The following OSBPL10 variants were observed in gnomAD, a reference collection of about 807,000 sequenced individuals.
OSBPL10 encodes the protein oxysterol binding protein like 10.
OSBPL10 carries 49 observed loss-of-function variants against 81.7 expected under a neutral mutation model. The ratio of observed to expected loss-of-function variants is 0.60; its 90% CI spans 0.48 to 0.76. The LOEUF is 0.76. Ranked by LOEUF, OSBPL10 falls within the 30% of genes least tolerant of loss-of-function variation. The pLI, the probability that OSBPL10 is intolerant of heterozygous loss-of-function variation, is 0.00. For missense variants in OSBPL10, 923 were observed against 987.8 expected (o/e 0.93, Z 0.88); for synonymous variants, 419 against 383.6 (o/e 1.09, Z -1.08).
chr3:31,723,739 A>G (rs1422629520), intron 6 of OSBPL10, among the ~76,000 whole-genome samples: 3 of 152,230 alleles, frequency 2.0e-5, no homozygotes, highest in African/African-American at 7.2e-5. Context: ...AACTCAGGCA[A>G]AGCCCAAAGT....
intron 1 of OSBPL10, chr3:31,919,321 A>G (rs1696846836): frequency 6.6e-6 from 1 of 152,212 alleles, no homozygotes; most frequent in Non-Finnish European, 1.5e-5. Context: ...TAAATTCCCT[A>G]TGACTTATTT....
chr3:31,802,542 TGGGTATCAAAAAAA>T (rs1252866470), intron 4 of OSBPL10, among the ~76,000 whole-genome samples: 3 of 93,838 alleles, frequency 3.2e-5, no homozygotes, highest in African/African-American at 4.5e-5. Context: ...CACTCTAGCC[TGGGTATCAAAAAAA>T]AAAAAAAAAA....
intron 4 of OSBPL10, among the ~76,000 whole-genome samples, chr3:31,770,402 C>A (rs1015452265): frequency 2.0e-5 from 3 of 151,624 alleles, no homozygotes; most frequent in African/African-American, 7.3e-5. Context: ...CCTTGATGAA[C>A]AGGTCATCTC....
intron 4 of OSBPL10, among the ~76,000 whole-genome samples, chr3:31,820,702 A>C (rs897797654): frequency 6.6e-6 from 1 of 152,192 alleles, no homozygotes; most frequent in Non-Finnish European, 1.5e-5. Context: ...TGCCCAGGAC[A>C]CAGTGAGAAG....
chr3:31,706,514 C>T (rs564662877), intron 6 of OSBPL10, among the ~76,000 whole-genome samples: 4 of 151,328 alleles, frequency 2.6e-5, no homozygotes, highest in African/African-American at 9.7e-5. Flanking sequence ...TGTGACTCTG[C>T]CCTTAACCAT....
At chr3:31,770,219 A>T (rs1698338034) in intron 4 of OSBPL10, among the ~76,000 whole-genome samples, 2 of 152,282 alleles carry the variant, frequency 1.3e-5, no homozygotes, top group South Asian at 2.1e-4. Context: ...TTTAAACTGA[A>T]TTTTAAAATG....
intron 8 of OSBPL10, among the ~76,000 whole-genome samples, chr3:31,678,525 C>T (rs1409673490): frequency 6.6e-6 from 1 of 152,158 alleles, no homozygotes; most frequent in Non-Finnish European, 1.5e-5. Context: ...GGAGAGATTG[C>T]GTTTCTGTGA....
intron 7 of OSBPL10, among the ~76,000 whole-genome samples, chr3:31,690,075 A>C (rs1695482562): frequency 6.6e-6 from 1 of 151,934 alleles, no homozygotes; most frequent in African/African-American, 2.4e-5. Flanking sequence ...AAGGTGAAGA[A>C]TATATGGGAG....
intron 4 of OSBPL10, among the ~76,000 whole-genome samples, chr3:31,753,094 C>T (rs963630484): frequency 9.2e-5 from 14 of 152,246 alleles, no homozygotes; most frequent in African/African-American, 3.4e-4. Context: ...GCTAAGTTCC[C>T]CTCTGAGTCA....
intron 2 of OSBPL10, among the ~76,000 whole-genome samples, chr3:32,002,322 A>G (rs1339529821): frequency 1.3e-5 from 2 of 152,252 alleles, no homozygotes; most frequent in African/African-American, 4.8e-5. Flanking sequence ...CATTGCAAAG[A>G]GACCACACAC....
chr3:31,909,874 A>G (rs147841578), intron 1 of OSBPL10, among the ~76,000 whole-genome samples: 1 of 152,146 alleles, frequency 6.6e-6, no homozygotes, highest in African/African-American at 2.4e-5. Context: ...TTAAACACAT[A>G]CACATTTAAG....
intron 4 of OSBPL10, among the ~76,000 whole-genome samples, chr3:31,824,603 G>T (rs1326149645): frequency 1.3e-5 from 2 of 152,160 alleles, no homozygotes; most frequent in African/African-American, 4.8e-5. Context: ...CTTGGACTAG[G>T]TTCTCCATCG....
chr3:32,027,004 G>A (rs1481315938), intron 2 of OSBPL10, among the ~76,000 whole-genome samples: 3 of 152,148 alleles, frequency 2.0e-5, no homozygotes, highest in Non-Finnish European at 4.4e-5. Flanking sequence ...CGTGGCCAGT[G>A]GAGGAGTCAT....
chr3:32,039,274 C>T (rs146561557), intron 2 of OSBPL10, among the ~76,000 whole-genome samples: 5,013 of 149,034 alleles, frequency 0.034, 137 homozygotes, highest in Middle Eastern at 0.054. Context: ...TGCAGTGAGC[C>T]GGGACCATGC....
chr3:31,822,952 A>G (rs932171342), intron 4 of OSBPL10, among the ~76,000 whole-genome samples: 5 of 151,448 alleles, frequency 3.3e-5, no homozygotes, highest in Admixed American at 1.3e-4. Context: ...AAAAAATACA[A>G]TACAATAAAT....
chr3:31,705,287 T>G (rs1286085441), intron 6 of OSBPL10, among the ~76,000 whole-genome samples: 1 of 152,206 alleles, frequency 6.6e-6, no homozygotes, highest in Non-Finnish European at 1.5e-5. Flanking sequence ...TAAGCTGGTT[T>G]CATACACCAT....
intron 1 of OSBPL10, among the ~76,000 whole-genome samples, chr3:32,076,367 C>CAAAAAA (rs1290038077): frequency 7.3e-6 from 1 of 137,044 alleles, no homozygotes. Flanking sequence ...GACTCCATCT[C>CAAAAAA]AAAAAAAAAA....
chr3:32,005,984 A>T (rs2125535891), intron 2 of OSBPL10, among the ~76,000 whole-genome samples: 1 of 148,758 alleles, frequency 6.7e-6, no homozygotes, highest in Middle Eastern at 4.2e-3. Flanking sequence ...TTGCTCTGTC[A>T]CCCAGACTGG....
chr3:31,844,310 G>A (rs1700574989), intron 3 of OSBPL10, among the ~76,000 whole-genome samples: 2 of 152,150 alleles, frequency 1.3e-5, no homozygotes, highest in African/African-American at 4.8e-5. Flanking sequence ...TAAGATTAAT[G>A]CCTTATACAA....
Sources: allele counts gnomAD v4.1 joint callset (sites outside exome capture counted in the v4.1 genomes callset), GRCh38; gene constraint gnomAD v4.1.1; transcripts MANE v1.5; gene names NCBI Gene and HGNC (gene_info 2026-07-23, HGNC 2026-07-21).